KIF26B: variants seen among roughly 807,000 people sequenced by gnomAD.
The protein encoded by KIF26B is kinesin-like protein KIF26B.
In KIF26B, 63 loss-of-function variants were observed where a neutral mutation model predicts 151.2. The ratio of observed to expected loss-of-function variants is 0.42; its 90% CI spans 0.34 to 0.51. KIF26B has a LOEUF of 0.51. KIF26B is among the 20% of genes least tolerant of loss of function. The pLI, the probability that KIF26B is intolerant of heterozygous loss-of-function variation, is 0.07. For missense variants in KIF26B, 2,813 were observed against 2,913.6 expected (o/e 0.97, Z 0.79); for synonymous variants, 1,357 against 1,262.1 (o/e 1.08, Z -1.59).
At position 245,685,433 on chromosome 1, in the gene KIF26B, G is replaced by A. The variant is rs769930677; in HGVS notation, c.2450G>A (p.Ser817Asn). The A allele has an allele frequency of 5.6e-6, 9 of 1,613,036 alleles. No individual in the cohort carries two copies. The South Asian group carries it at 9.9e-5, about 18-fold the overall frequency. ...ACATCCAGCTCGTCCGGCGGGGAGA[G>A]CTCCTGCGAAGAAGGCCGCATGCGC... ...KYTSSSSGGE[S>N]SCEEGRMRRP... Residue 817 changes from serine (S) to asparagine (N), a missense_variant, in exon 12 of 15, where the codon AGC becomes AAC. Around this residue, in one of 3 missense-constraint regions of KIF26B, gnomAD observed 2,060 missense variants for 2,088.6 expected, o/e 0.99. Transcript: ENST00000407071.
At chr1:245,182,680 G>T (rs1668927328) in intron 2 of KIF26B, among the ~76,000 whole-genome samples, 1 of 152,082 alleles carries the variant, frequency 6.6e-6, no homozygotes, top group South Asian at 2.1e-4. Context: ...CTGTCGCCCA[G>T]GCTGGAGTGC....
chr1:245,302,416 A>G (rs566671506), intron 2 of KIF26B, among the ~76,000 whole-genome samples: 1 of 152,232 alleles, frequency 6.6e-6, no homozygotes, highest in Non-Finnish European at 1.5e-5. Context: ...ATACATGTCC[A>G]AATGCATTGA....
chr1:245,230,071 T>C (rs1438406842), intron 2 of KIF26B, among the ~76,000 whole-genome samples: 1 of 151,424 alleles, frequency 6.6e-6, no homozygotes, highest in African/African-American at 2.4e-5. Flanking sequence ...TGGCGGAGGT[T>C]GCAGTGAGCC....
At chr1:245,204,207 C>T (rs1471892879) in intron 2 of KIF26B, among the ~76,000 whole-genome samples, 1 of 152,100 alleles carries the variant, frequency 6.6e-6, no homozygotes. Flanking sequence ...GTACATCAGG[C>T]CTAGGAGAGA....
chr1:245,454,542 AG>A (rs1659469471), intron 4 of KIF26B, among the ~76,000 whole-genome samples: 2 of 152,202 alleles, frequency 1.3e-5, no homozygotes, highest in Non-Finnish European at 2.9e-5. Flanking sequence ...GTAACAGAGC[AG>A]GAAGGCCCTG....
chr1:245,505,472 A>G (rs772508015), intron 4 of KIF26B, among the ~76,000 whole-genome samples: 1 of 151,848 alleles, frequency 6.6e-6, no homozygotes, highest in South Asian at 2.1e-4. Flanking sequence ...TGCAACCTCT[A>G]CTTCCCAGGT....
chr1:245,275,099 CAT>C lies in KIF26B; in HGVS notation c.466-91732_466-91731del, dbSNP rs200677155. Among the ~76,000 whole-genome samples, 885 of 152,224 alleles carry C rather than the reference CAT, an allele frequency of 5.8e-3. 30 individuals are homozygous for C. Among genetic ancestry groups the C allele is most frequent in the Admixed American group, 0.055 (837 of 15,288 alleles). ...TGACCAGTGATGATGAGCTTTTTTT[CAT>C]ATGTTTGTTGGCCACATAAATGTCT... On this transcript the variant is annotated intron_variant, in intron 2 of 14. Coordinates refer to ENST00000407071, the MANE Select transcript of KIF26B (RefSeq NM_018012.4).
Position 245,419,729 on chromosome 1 carries a change from G to T in KIF26B, c.1150G>T (p.Ala384Ser), listed in dbSNP as rs1389384417. The T allele has an allele frequency of 1.9e-6, 3 of 1,611,396 alleles. No homozygotes were observed. Among genetic ancestry groups the T allele is most frequent in the South Asian group, 1.1e-5 (1 of 90,618 alleles). ...GACTTCCACAGGCACATCGGTGGCC[G>T]CCTCCTTCTTTGCACGGTAAGAGAG... ...SETSTGTSVAASFFARAAQKL... is the reference protein window; with the variant it reads ...SETSTGTSVASSFFARAAQKL... Residue 384 changes from alanine (A) to serine (S), a missense_variant, in exon 4 of 15, where the codon GCC becomes TCC. Coordinates refer to ENST00000407071, the MANE Select transcript of KIF26B (RefSeq NM_018012.4).
intron 4 of KIF26B, among the ~76,000 whole-genome samples, chr1:245,533,669 A>C (rs961938426): frequency 3.9e-5 from 6 of 152,186 alleles, no homozygotes; most frequent in Admixed American, 6.5e-5. Context: ...TTAGACACTA[A>C]GGATAGGAGA....
chr1:245,533,241 C>T (rs1044073983), intron 4 of KIF26B, among the ~76,000 whole-genome samples: 4 of 152,146 alleles, frequency 2.6e-5, no homozygotes, highest in Admixed American at 2.0e-4. Context: ...CATGAAATGG[C>T]AGCCTGGATT....
At chr1:245,604,339 G>A (rs1268456007) in intron 6 of KIF26B, among the ~76,000 whole-genome samples, 3 of 152,126 alleles carry the variant, frequency 2.0e-5, no homozygotes, top group African/African-American at 7.2e-5. Flanking sequence ...ATGTTCTCAC[G>A]GGCTCCTATA....
chr1:245,501,453 G>T (rs1422471038), intron 4 of KIF26B, among the ~76,000 whole-genome samples: 1 of 152,164 alleles, frequency 6.6e-6, no homozygotes, highest in Non-Finnish European at 1.5e-5. Flanking sequence ...ACCCAGTTTA[G>T]TTTGATGCTA....
chr1:245,618,430 G>T (rs897037562), intron 9 of KIF26B, among the ~76,000 whole-genome samples: 1 of 144,416 alleles, frequency 6.9e-6, no homozygotes, highest in Non-Finnish European at 1.5e-5. Context: ...AGTATCCAAG[G>T]CCTATTAGAC....
chr1:245,510,932 G>T, intron 4 of KIF26B: 1 of 616,864 alleles, frequency 1.6e-6, no homozygotes. Context: ...TGCTCTGAGA[G>T]TTCTCAGACC....
In KIF26B at chr1:245,240,058, TACTC is replaced by T. The variant is rs1670186298; in HGVS notation, c.465+83377_465+83380del. Among the ~76,000 whole-genome samples the T allele has an allele frequency of 2.0e-5, 3 of 151,928 alleles. No individual in the cohort carries two copies. The South Asian group carries it at 6.3e-4, about 32-fold the overall frequency. On this transcript the variant is annotated intron_variant, in intron 2 of 14. Transcript: ENST00000407071. ...CATGGCGCACACCTGTAGTCCCAGT[TACTC>T]AGGAGGCTGAGGCATGAGAACTGCT... is the stretch of plus-strand genomic sequence containing the variant.
chr1:245,173,456 C>T (rs1021714967), intron 2 of KIF26B, among the ~76,000 whole-genome samples: 6 of 152,308 alleles, frequency 3.9e-5, no homozygotes, highest in South Asian at 2.1e-4. Context: ...CGCCCAGTGA[C>T]GGCTCATGAG....
chr1:245,584,412 A>C (rs2043204501), intron 5 of KIF26B, among the ~76,000 whole-genome samples: 1 of 152,198 alleles, frequency 6.6e-6, no homozygotes, highest in South Asian at 2.1e-4. Flanking sequence ...TTCCACATGA[A>C]ATAAACATTG....
intron 2 of KIF26B, among the ~76,000 whole-genome samples, chr1:245,159,949 A>G (rs766110884): frequency 1.3e-5 from 2 of 152,218 alleles, no homozygotes; most frequent in African/African-American, 4.8e-5. Context: ...AGGAGGAGAC[A>G]TGGAATTGGA....
Position 245,609,406 on chromosome 1 carries a change from G to A in KIF26B, c.1792G>A (p.Val598Met), listed in dbSNP as rs770867836. Residue 598 changes from valine to methionine, a missense_variant, in exon 8 of 15, where the codon GTG (valine) becomes ATG (methionine). Val to Met is a conservative substitution (Grantham distance 21). Transcript: ENST00000407071. Reference sequence around the variant, plus strand: ...CCGTTTCTCAGTCCGGGTTTCCGCCGTGGAAGTGTGGGGGAAGGAGGAGAA... The same window carrying A: ...CCGTTTCTCAGTCCGGGTTTCCGCCATGGAAGTGTGGGGGAAGGAGGAGAA... ...GARFSVRVSA[V>M]EVWGKEENLR... 52 of 1,609,114 alleles carry A rather than the reference G, an allele frequency of 3.2e-5. No homozygotes were observed. The highest frequency in any genetic ancestry group is 3.8e-5 in the Non-Finnish European group (45 of 1,177,810).
Sources: gnomAD v4.1 joint callset for allele counts (sites outside exome capture counted in the v4.1 genomes callset) on GRCh38, gnomAD v4.1.1 for gene constraint, gnomAD v4.1.1 regional missense constraint, MANE v1.5 for transcripts, NCBI Gene and HGNC (gene_info 2026-07-23, HGNC 2026-07-21) for gene names.